Variants in KIAA1549 observed in about 807,000 individuals in gnomAD.
KIAA1549 encodes the protein KIAA1549.
A neutral mutation model predicts 156.4 loss-of-function variants in KIAA1549; 70 were observed. The observed-to-expected ratio is 0.45, with a 90% CI of 0.37 to 0.55. The LOEUF is 0.55. Among genes scored for constraint, KIAA1549 ranks in the 20% least tolerant of loss-of-function variants. The probability of loss-of-function intolerance (pLI) is 0.00; values close to 1 mark genes in which losing one functional copy is unlikely to be tolerated. For missense variants in KIAA1549, 2,428 were observed against 2,540.9 expected (o/e 0.96, Z 0.96); for synonymous variants, 1,103 against 1,066.4 (o/e 1.03, Z -0.67).
intron 1 of KIAA1549, among the ~76,000 whole-genome samples, chr7:138,936,245 T>C (rs1813006114): frequency 6.6e-6 from 1 of 151,934 alleles, no homozygotes; most frequent in African/African-American, 2.4e-5. Context: ...AAGTCAAAGG[T>C]GATTCTAAGT....
chr7:138,889,511 A>G (rs778809431), intron 10 of KIAA1549, among the ~76,000 whole-genome samples: 4 of 152,248 alleles, frequency 2.6e-5, no homozygotes, highest in Non-Finnish European at 5.9e-5. Flanking sequence ...ATATTTTGTT[A>G]AGTCAACAAC....
intron 1 of KIAA1549, among the ~76,000 whole-genome samples, chr7:138,966,871 T>A (rs1265290106): frequency 6.6e-6 from 1 of 152,180 alleles, no homozygotes; most frequent in Non-Finnish European, 1.5e-5. Flanking sequence ...ACAGTGCTGC[T>A]GACACCTTGA....
chr7:138,871,177 T>C lies in KIAA1549; in HGVS notation c.4531A>G (p.Ser1511Gly). The C allele has an allele frequency of 6.2e-7, 1 of 1,612,780 alleles. No homozygotes were observed. The highest frequency in any genetic ancestry group is 8.5e-7 in the Non-Finnish European group (1 of 1,179,874). ...RPSPADRVAE[S>G]NKINKEIQTA... ...AATACCTCTTTGTTGATTTTATTGC[T>C]TTCCGCCACTCGGTCGGCTGGGGAG... The change falls in exon 13 of 20, where the codon AGC (serine) becomes GGC (glycine). Residue 1511 changes from serine (S) to glycine (G), a missense_variant. By Grantham distance (56) the Ser-to-Gly change is moderately conservative. Transcript: ENST00000422774.
At chr7:138,861,683 C>T (rs1425802567) in intron 15 of KIAA1549, among the ~76,000 whole-genome samples, 12 of 148,984 alleles carry the variant, frequency 8.1e-5, no homozygotes, top group Non-Finnish European at 1.2e-4. Flanking sequence ...GAGACCCCCC[C>T]CATCTCTAAA....
chr7:138,838,225 C>G, intron 19 of KIAA1549, 65 bp from the exon 20 acceptor site: 5 of 1,436,370 alleles, frequency 3.5e-6, no homozygotes, highest in Non-Finnish European at 4.6e-6. Context: ...CAAATGCAAA[C>G]TGGCTTTAGG....
At chr7:138,849,795 A>G (rs1043040644) in intron 17 of KIAA1549, among the ~76,000 whole-genome samples, 9 of 152,158 alleles carry the variant, frequency 5.9e-5, no homozygotes, top group African/African-American at 1.9e-4. Flanking sequence ...GCCCCCACTT[A>G]TAAGTGAGAA....
Position 138,868,018 on chromosome 7 carries a change from C to T in KIAA1549, c.4886G>A (p.Arg1629Lys). ...TGAGTTGTGGACGCCGGGGGGCCTC[C>T]TGTAGGTGCCATCGCTGTCTGTGGT... ...LITTDSDGTYRRPPGVHNSAY... is the reference protein window; with the variant it reads ...LITTDSDGTYKRPPGVHNSAY... The change falls in exon 15 of 20, where the codon AGG (arginine) becomes AAG (lysine). Residue 1629 changes from arginine to lysine, a missense_variant. Around this residue, in one of 5 missense-constraint regions of KIAA1549, gnomAD observed 404 missense variants for 417.0 expected, o/e 0.97. Coordinates refer to ENST00000422774, the MANE Select transcript of KIAA1549 (RefSeq NM_001164665.2). 1 of 1,613,964 alleles carries T rather than the reference C, an allele frequency of 6.2e-7. No homozygotes were observed. The highest frequency in any genetic ancestry group is 8.5e-7 in the Non-Finnish European group (1 of 1,179,882).
intron 2 of KIAA1549, 122 bp downstream of exon 2, chr7:138,916,626 G>A: frequency 6.9e-7 from 1 of 1,459,224 alleles, no homozygotes; most frequent in Non-Finnish European, 9.1e-7. Flanking sequence ...GTACTACCTG[G>A]GAGTTAACTG....
At chr7:138,873,386 C>T (rs1243636375) in intron 12 of KIAA1549, among the ~76,000 whole-genome samples, 1 of 152,170 alleles carries the variant, frequency 6.6e-6, no homozygotes, top group Admixed American at 6.5e-5. Flanking sequence ...CACCACCATT[C>T]ATCGGTGGCA....
intron 17 of KIAA1549, among the ~76,000 whole-genome samples, chr7:138,846,863 A>G (rs1453827483): frequency 6.6e-6 from 1 of 152,224 alleles, no homozygotes; most frequent in Non-Finnish European, 1.5e-5. Context: ...ACTTGCACTT[A>G]TTCTCCAGTG....
At chr7:138,874,054 G>A (rs1367004127) in intron 12 of KIAA1549, among the ~76,000 whole-genome samples, 2 of 146,694 alleles carry the variant, frequency 1.4e-5, no homozygotes, top group Non-Finnish European at 3.0e-5. Context: ...ATTACTATTA[G>A]TAATTATATA....
intron 1 of KIAA1549, among the ~76,000 whole-genome samples, chr7:138,927,758 G>A (rs745677608): frequency 6.6e-6 from 1 of 152,116 alleles, no homozygotes; most frequent in African/African-American, 2.4e-5. Context: ...GAGCTTGATG[G>A]CCGCAAATCC....
chr7:138,844,249 C>A, intron 18 of KIAA1549, 68 bp downstream of exon 18: 1 of 1,584,256 alleles, frequency 6.3e-7, no homozygotes, highest in East Asian at 2.2e-5. Context: ...TCTGAGACAC[C>A]TAAAATAAAG....
In KIAA1549 at chr7:138,837,867, A is replaced by G; in HGVS notation, c.*39T>C. The G allele has an allele frequency of 6.3e-7, 1 of 1,597,418 alleles. No homozygotes were observed. Among genetic ancestry groups the G allele is most frequent in the Middle Eastern group, 2.0e-4 (1 of 4,998 alleles). On this transcript the variant is annotated 3_prime_UTR_variant, in exon 20 of 20. Transcript: ENST00000422774. Reference sequence around the variant, plus strand: ...GATTTCCTTTTGGTCTTGCTTCCACAGGAAGCGGATACTTGGCAAATCTGC... The same window carrying G: ...GATTTCCTTTTGGTCTTGCTTCCACGGGAAGCGGATACTTGGCAAATCTGC...
In KIAA1549 at chr7:138,916,852, G is replaced by C; in HGVS notation, c.2774C>G (p.Thr925Ser). The C allele has an allele frequency of 6.2e-7, 1 of 1,613,988 alleles. No individual in the cohort carries two copies. Among genetic ancestry groups the C allele is most frequent in the Non-Finnish European group, 8.5e-7 (1 of 1,179,890 alleles). Reference sequence around the variant, plus strand: ...GACTGTTGCTTCGAGAGTGAAGGCAGTCACGGGACGCAGGGATGGCAGGGG... The same window carrying C: ...GACTGTTGCTTCGAGAGTGAAGGCACTCACGGGACGCAGGGATGGCAGGGG... ...APPLPSLRPV[T>S]AFTLEATVDT... The change falls in exon 2 of 20, where the codon ACT (threonine) becomes AGT (serine). Residue 925 changes from threonine to serine, a missense_variant. By Grantham distance (58) the Thr-to-Ser change is moderately conservative (BLOSUM62 1). This residue lies in a region of KIAA1549 where 762 missense variants were observed against 901.6 expected (regional missense o/e 0.85). Coordinates refer to ENST00000422774, the MANE Select transcript of KIAA1549 (RefSeq NM_001164665.2).
chr7:138,915,449 TG>T (rs1812289725), intron 2 of KIAA1549, among the ~76,000 whole-genome samples: 1 of 152,064 alleles, frequency 6.6e-6, no homozygotes, highest in South Asian at 2.1e-4. Flanking sequence ...CTTTGGCGTG[TG>T]GGGAGCAAAG....
At chr7:138,888,675 T>C (rs1009233694) in intron 10 of KIAA1549, among the ~76,000 whole-genome samples, 8 of 152,228 alleles carry the variant, frequency 5.3e-5, no homozygotes, top group Non-Finnish European at 1.0e-4. Context: ...TATGGGCAGA[T>C]GAAAAATTAG....
intron 1 of KIAA1549, among the ~76,000 whole-genome samples, chr7:138,920,679 AGCCCAGG>A: frequency 6.6e-6 from 1 of 152,234 alleles, no homozygotes; most frequent in Non-Finnish European, 1.5e-5. Context: ...CACTGATGAA[AGCCCAGG>A]GCCCAGGGAC....
intron 5 of KIAA1549, 31 bp from the exon 6 acceptor site, chr7:138,907,133 T>C (rs2130458307): frequency 6.8e-7 from 1 of 1,477,478 alleles, no homozygotes; most frequent in Non-Finnish European, 9.0e-7. Flanking sequence ...TAAGCTTCTA[T>C]AATAAAACAT....
Sources: gnomAD v4.1 joint callset for allele counts (sites outside exome capture counted in the v4.1 genomes callset) on GRCh38, gnomAD v4.1.1 for gene constraint, gnomAD v4.1.1 regional missense constraint, MANE v1.5 for transcripts, NCBI Gene and HGNC (gene_info 2026-07-23, HGNC 2026-07-21) for gene names.